WARS2: variants seen among roughly 807,000 people sequenced by gnomAD.
The protein encoded by WARS2 is tryptophan--tRNA ligase, mitochondrial.
WARS2 carries 28 observed loss-of-function variants against 36.5 expected under a neutral mutation model. That is an observed-to-expected ratio of 0.77 (90% confidence interval 0.57 to 1.05). The LOEUF (loss-of-function observed/expected upper bound fraction) is 1.05. WARS2 is among the 50% of genes least tolerant of loss of function. The pLI is 0.00. For synonymous variants in WARS2, 174 were observed against 178.4 expected, an observed-to-expected ratio of 0.98 and a Z score of 0.20; for missense variants, 435 against 456.8, an observed-to-expected ratio of 0.95 and a Z score of 0.44.
intron 1 of WARS2, among the ~76,000 whole-genome samples, chr1:119,106,722 T>A (rs1654265620): frequency 6.6e-6 from 1 of 152,208 alleles, no homozygotes; most frequent in East Asian, 1.9e-4. Flanking sequence ...CTAAAAGACA[T>A]CTTGGATACT....
chr1:119,131,587 C>T (rs1215332609), intron 1 of WARS2, among the ~76,000 whole-genome samples: 1 of 151,806 alleles, frequency 6.6e-6, no homozygotes, highest in East Asian at 1.9e-4. Context: ...CTCAGCCTCC[C>T]GAGTAGCTGG....
chr1:119,074,089 T>C (rs981932011), intron 2 of WARS2, among the ~76,000 whole-genome samples: 7 of 152,220 alleles, frequency 4.6e-5, no homozygotes, highest in Non-Finnish European at 8.8e-5. Flanking sequence ...CCAGCTTGTA[T>C]TAAAAACAGC....
chr1:119,079,174 C>A (rs1193741433), intron 1 of WARS2, among the ~76,000 whole-genome samples: 2 of 152,106 alleles, frequency 1.3e-5, no homozygotes, highest in Non-Finnish European at 2.9e-5. Flanking sequence ...CCATCGCCAT[C>A]ATAAATCAAG....
At chr1:119,136,767 T>A (rs1351581334) in intron 1 of WARS2, among the ~76,000 whole-genome samples, 1 of 152,212 alleles carries the variant, frequency 6.6e-6, no homozygotes, top group Non-Finnish European at 1.5e-5. Flanking sequence ...AATGCCTACA[T>A]TAAATCTTAC....
chr1:119,140,585 A>T lies in WARS2; in HGVS notation c.60T>A (p.His20Gln), dbSNP rs1280610030. 4 of 1,613,836 alleles carry T rather than the reference A, an allele frequency of 2.5e-6. No individual in the cohort carries two copies. In the African/African-American group the frequency reaches 5.3e-5, roughly 22 times the overall value. The change falls in exon 1 of 6, where the codon CAT becomes CAA. Residue 20 changes from histidine to glutamine, a missense_variant. Physicochemically the swap from His to Gln is conservative, Grantham distance 24 (BLOSUM62 0). Transcript: ENST00000235521. ...GAGCGGGAGCAGCTGCGGATCCCTT[A>T]TGAAGTGCCCGGATGAAGCTCCAGC... ...RERWSFIRALHKGSAAAPALQ... is the reference protein window; with the variant it reads ...RERWSFIRALQKGSAAAPALQ...
chr1:119,132,200 G>T (rs1166314790), intron 1 of WARS2, among the ~76,000 whole-genome samples: 1 of 152,124 alleles, frequency 6.6e-6, no homozygotes, highest in African/African-American at 2.4e-5. Flanking sequence ...GTAGAGCCAG[G>T]CCTGGCTGAT....
At chr1:119,100,152 T>C (rs758514686) in intron 1 of WARS2, among the ~76,000 whole-genome samples, 1 of 151,968 alleles carries the variant, frequency 6.6e-6, no homozygotes, top group Non-Finnish European at 1.5e-5. Flanking sequence ...AGGAAATCAA[T>C]AGATATTCAT....
chr1:119,034,140 T>G lies in WARS2; in HGVS notation c.589A>C (p.Asn197His). ...ELVQDLAQGF[N>H]KKYGEFFPVP... ...GGAAAGAACTCCCCATACTTCTTGT[T>G]GAAACCTTGTGCTAGATCCTGAACT... Residue 197 changes from asparagine (N) to histidine (H), a missense_variant, in exon 5 of 6, where the codon AAC becomes CAC. Physicochemically the swap from Asn to His is moderately conservative, Grantham distance 68. Coordinates refer to ENST00000235521, the MANE Select transcript of WARS2 (RefSeq NM_015836.4). 6.2e-7 allele frequency: 1 copy of G among 1,614,096 alleles called. No individual in the cohort carries two copies. The highest frequency in any genetic ancestry group is 1.3e-5 in the African/African-American group (1 of 75,060).
At chr1:119,046,389 C>T (rs2101133902) in intron 2 of WARS2, among the ~76,000 whole-genome samples, 1 of 149,378 alleles carries the variant, frequency 6.7e-6, no homozygotes, top group African/African-American at 2.5e-5. Flanking sequence ...CACTCTGTCG[C>T]CCAGGCTGCA....
chr1:119,043,232 C>G (rs1648524943), intron 3 of WARS2, among the ~76,000 whole-genome samples: 1 of 150,846 alleles, frequency 6.6e-6, no homozygotes, highest in African/African-American at 2.5e-5. Context: ...TATAGCATCT[C>G]TTGTAAAATA....
chr1:119,128,114 G>A lies in WARS2; in HGVS notation c.90+12441C>T, dbSNP rs151215029. 7.5e-3 allele frequency among the ~76,000 whole-genome samples: 1,145 copies of A among 151,856 alleles called. 25 individuals are homozygous for A. The highest frequency in any genetic ancestry group is 0.052 in the East Asian group (266 of 5,154). ...TTTTGAGATGGAGTCTTGCTCTGTT[G>A]CCCAGGCTGGAGTGCAGTGGTGCAA... On this transcript the variant is annotated intron_variant, in intron 1 of 5. Coordinates refer to ENST00000235521, the MANE Select transcript of WARS2 (RefSeq NM_015836.4).
chr1:119,130,144 A>G (rs1284704715), intron 1 of WARS2, among the ~76,000 whole-genome samples: 2 of 76,266 alleles, frequency 2.6e-5, no homozygotes, highest in African/African-American at 1.3e-4. Context: ...GGTAAATGAG[A>G]AAAAAAAAAA....
intron 4 of WARS2, 60 bp from the exon 5 acceptor site, chr1:119,034,273 T>C: frequency 1.5e-6 from 2 of 1,344,346 alleles, no homozygotes; most frequent in Non-Finnish European, 2.1e-6. Flanking sequence ...ACAGAAATGA[T>C]ATTGCAAGCA....
At chr1:119,036,195 G>A (rs192359403) in intron 4 of WARS2, among the ~76,000 whole-genome samples, 1 of 151,640 alleles carries the variant, frequency 6.6e-6, no homozygotes, top group East Asian at 2.0e-4. Context: ...GGAAATGAGT[G>A]AAACTCTGCC....
At chr1:119,075,572 C>CAT (rs1250744536) in intron 2 of WARS2, among the ~76,000 whole-genome samples, 1 of 152,156 alleles carries the variant, frequency 6.6e-6, no homozygotes, top group African/African-American at 2.4e-5. Context: ...AGGAAGGTTG[C>CAT]ATATATACAT....
chr1:119,138,258 G>T (rs1348463873), intron 1 of WARS2, among the ~76,000 whole-genome samples: 7 of 152,120 alleles, frequency 4.6e-5, no homozygotes, highest in African/African-American at 1.7e-4. Flanking sequence ...GACTTCAAAG[G>T]AAGCTTTTCA....
chr1:119,081,234 G>A (rs1228736452), intron 1 of WARS2, among the ~76,000 whole-genome samples: 1 of 152,120 alleles, frequency 6.6e-6, no homozygotes, highest in Non-Finnish European at 1.5e-5. Flanking sequence ...TTTTCTTACT[G>A]TACTCAAAAG....
chr1:119,086,582 T>G lies in WARS2; in HGVS notation c.91-9975A>C, dbSNP rs955588957. On this transcript the variant is annotated intron_variant, in intron 1 of 5. Transcript: ENST00000235521. The stretch of plus-strand genomic sequence containing the variant: ...GACTGCTCTTTTGACCTCACCCCAG[T>G]CAAGCACAAAGGGGGCTTCTCAGAG... Among the ~76,000 whole-genome samples the G allele has an allele frequency of 2.6e-4, 40 of 152,214 alleles. 1 individual carries two copies. The highest frequency in any genetic ancestry group is 4.4e-4 in the Non-Finnish European group (30 of 68,008).
rs745550081 is a variant in WARS2, at chr1:119,045,648, T to C, written c.363A>G (p.Thr121=). ...TGCAGGAAAGGATCCAACTTAATTGTGTGTGTTCAGACACCTAAAGAAATA... is the reference window on the plus strand; with the variant it reads ...TGCAGGAAAGGATCCAACTTAATTGCGTGTGTTCAGACACCTAAAGAAATA... ...LFQQSQVSEH[T]QLSWILSCMV... The change falls in exon 3 of 6, where the codon ACA becomes ACG. Residue 121 remains threonine (T), a synonymous_variant. Transcript: ENST00000235521. 16 of 1,589,862 alleles carry C rather than the reference T, an allele frequency of 1.0e-5. No homozygotes were observed. In the Admixed American group the frequency reaches 1.9e-4, roughly 19 times the overall value.
Sources: allele counts gnomAD v4.1 joint callset (sites outside exome capture counted in the v4.1 genomes callset), GRCh38; gene constraint gnomAD v4.1.1; transcripts MANE v1.5; gene names NCBI Gene and HGNC (gene_info 2026-07-23, HGNC 2026-07-21).